Variants in RGPD2 observed in about 807,000 individuals in gnomAD.
RGPD2 encodes the protein RANBP2-like and GRIP domain-containing protein 2.
RGPD2 carries 2 observed loss-of-function variants against 36.0 expected under a neutral mutation model. The ratio of observed to expected loss-of-function variants is 0.06; its 90% CI spans 0.02 to 0.17. The LOEUF (loss-of-function observed/expected upper bound fraction) is 0.17, where lower values mean the gene tolerates loss of function less well. Among genes scored for constraint, RGPD2 ranks in the 10% least tolerant of loss-of-function variants. RGPD2 has a pLI of 1.00. For missense variants in RGPD2, 40 were observed against 464.3 expected (o/e 0.09, Z 8.40); for synonymous variants, 19 against 163.8 (o/e 0.12, Z 6.75).
At chr2:87,763,380 G>C (rs962126495) in intron 22 of RGPD2, among the ~76,000 whole-genome samples, 1 of 147,068 alleles carries the variant, frequency 6.8e-6, no homozygotes, top group African/African-American at 2.6e-5. Flanking sequence ...GATGGTCTCG[G>C]TCTCCTGACC....
At chr2:87,980,212 A>G in the RGPD2 span, among the ~76,000 whole-genome samples, 1 of 148,596 alleles carries the variant, frequency 6.7e-6, no homozygotes, top group East Asian at 2.0e-4. Flanking sequence ...TTAGCCGGGC[A>G]TGGTGGCGGG....
the RGPD2 span, among the ~76,000 whole-genome samples, chr2:87,857,785 A>C: frequency 3.7e-4 from 56 of 150,600 alleles, no homozygotes; most frequent in Non-Finnish European, 5.0e-4. Context: ...AAAAAAAAAA[A>C]AAAAAAAAAA....
the RGPD2 span, chr2:87,968,682 G>A: frequency 3.7e-5 from 8 of 216,682 alleles, no homozygotes; most frequent in Non-Finnish European, 6.3e-5. Flanking sequence ...ACATGTCTTC[G>A]GAAACCCAGC....
chr2:87,867,143 C>A, the RGPD2 span, among the ~76,000 whole-genome samples: 1 of 150,864 alleles, frequency 6.6e-6, no homozygotes, highest in East Asian at 2.0e-4. Context: ...CCCCGAGACA[C>A]CTTTTTGTCC....
chr2:87,918,011 A>T, the RGPD2 span, among the ~76,000 whole-genome samples: 1 of 115,254 alleles, frequency 8.7e-6, no homozygotes, highest in Non-Finnish European at 1.8e-5. Flanking sequence ...TAGAACTCAA[A>T]AAATGGACTT....
chr2:87,881,271 G>T, the RGPD2 span, among the ~76,000 whole-genome samples: 1 of 152,038 alleles, frequency 6.6e-6, no homozygotes, highest in Non-Finnish European at 1.5e-5. Flanking sequence ...CACTCTGGGG[G>T]CCTGGAGGAT....
the RGPD2 span, among the ~76,000 whole-genome samples, chr2:87,836,505 C>A: frequency 3.3e-5 from 5 of 151,508 alleles, no homozygotes; most frequent in Non-Finnish European, 4.4e-5. Flanking sequence ...CCAAACTACA[C>A]TTCATAAGTG....
chr2:87,869,897 G>A, the RGPD2 span, among the ~76,000 whole-genome samples: 1 of 152,196 alleles, frequency 6.6e-6, no homozygotes, highest in African/African-American at 2.4e-5. Flanking sequence ...CACTTTCTTT[G>A]TTTTTCATTA....
the RGPD2 span, among the ~76,000 whole-genome samples, chr2:87,857,817 T>G: frequency 6.6e-6 from 1 of 151,400 alleles, no homozygotes; most frequent in Admixed American, 6.6e-5. Flanking sequence ...TTTATGACTT[T>G]GTTTATGTTC....
chr2:87,763,318 T>G (rs1050024180), intron 22 of RGPD2, among the ~76,000 whole-genome samples: 1 of 150,306 alleles, frequency 6.7e-6, no homozygotes, highest in Non-Finnish European at 1.5e-5. Context: ...CCAACACGTC[T>G]GGCTAATTTT....
At chr2:87,771,410 TTTTTTG>T (rs1558718378) in intron 22 of RGPD2, 2 of 31,928 alleles carry the variant, frequency 6.3e-5, no homozygotes, top group Non-Finnish European at 1.2e-4. Flanking sequence ...TTTTTTTTTT[TTTTTTG>T]AGATGGGAGT....
chr2:87,940,433 A>G, the RGPD2 span, among the ~76,000 whole-genome samples: 1 of 150,676 alleles, frequency 6.6e-6, no homozygotes, highest in Non-Finnish European at 1.5e-5. Flanking sequence ...GAACTCAGGA[A>G]CTAGGAAATT....
At chr2:87,985,645 G>A in the RGPD2 span, 3,762 of 1,274,756 alleles carry the variant, frequency 3.0e-3, 102 homozygotes, top group African/African-American at 0.05. Flanking sequence ...CGCCTATTAT[G>A]TAGTCTCAAT....
the RGPD2 span, among the ~76,000 whole-genome samples, chr2:87,857,665 G>T: frequency 1.3e-5 from 2 of 151,564 alleles, no homozygotes; most frequent in Admixed American, 6.6e-5. Context: ...GAGGCTAGGC[G>T]CGGTGTCTCA....
chr2:87,988,522 TAA>T, the RGPD2 span, among the ~76,000 whole-genome samples: 16 of 27,634 alleles, frequency 5.8e-4, no homozygotes, highest in Admixed American at 3.4e-3. Context: ...TATATACATA[TAA>T]ATATATATAT....
chr2:87,985,007 A>AT, the RGPD2 span, among the ~76,000 whole-genome samples: 1 of 147,996 alleles, frequency 6.8e-6, no homozygotes, highest in Admixed American at 6.8e-5. Context: ...TACCTGGAAA[A>AT]GGGGTAATTA....
chr2:87,978,952 G>A, the RGPD2 span, among the ~76,000 whole-genome samples: 8 of 150,982 alleles, frequency 5.3e-5, no homozygotes, highest in Non-Finnish European at 1.2e-4. Flanking sequence ...GTATGTCCAC[G>A]GGCCGGGCAT....
chr2:87,986,323 C>T, the RGPD2 span, among the ~76,000 whole-genome samples: 3 of 148,420 alleles, frequency 2.0e-5, no homozygotes, highest in African/African-American at 7.4e-5. Flanking sequence ...TTAGTAGAGA[C>T]CATGTTTCAC....
the RGPD2 span, among the ~76,000 whole-genome samples, chr2:87,847,497 T>C: frequency 2.7e-5 from 4 of 148,266 alleles, no homozygotes; most frequent in African/African-American, 9.8e-5. Context: ...AATTGTTTTT[T>C]AATTTTTTTT....
Sources: allele counts gnomAD v4.1 joint callset (sites outside exome capture counted in the v4.1 genomes callset), GRCh38; gene constraint gnomAD v4.1.1; transcripts MANE v1.5; gene names NCBI Gene and HGNC (gene_info 2026-07-23, HGNC 2026-07-21).